DHCR24: variants seen among roughly 807,000 people sequenced by gnomAD.
DHCR24 encodes the protein delta(24)-sterol reductase.
Under a neutral mutation model 61.2 loss-of-function variants are expected in DHCR24, and 28 were observed. The observed-to-expected ratio is 0.46, with a 90% CI of 0.34 to 0.63. DHCR24 has a LOEUF of 0.63. Ranked by LOEUF, DHCR24 falls within the 20% of genes least tolerant of loss-of-function variation. DHCR24 has a pLI of 0.01. For synonymous variants in DHCR24, 261 were observed against 275.9 expected (o/e 0.95, Z 0.54); for missense variants, 538 against 679.1 (o/e 0.79, Z 2.31).
At chr1:54,854,530 C>T (rs1646896345) in intron 6 of DHCR24, among the ~76,000 whole-genome samples, 1 of 152,154 alleles carries the variant, frequency 6.6e-6, no homozygotes, top group Non-Finnish European at 1.5e-5. Context: ...ATATTAATAC[C>T]AAGTGGAAGG....
chr1:54,886,910 G>A lies in DHCR24; in HGVS notation c.210C>T (p.Arg70=), dbSNP rs1296465670. Residue 70 remains arginine (R), a synonymous_variant, in exon 1 of 9, where the codon CGC becomes CGT. Transcript: ENST00000371269. ...LSSAPRLHEQ[R]VRDIQKQVRE... ...TCACCTGCTTCTGGATGTCCCGCAC[G>A]CGCTGCTCGTGCAGGCGCGGAGCGC... The A allele has an allele frequency of 5.6e-6, 9 of 1,613,176 alleles. No homozygotes were observed. Among genetic ancestry groups the A allele is most frequent in the Non-Finnish European group, 7.6e-6 (9 of 1,179,584 alleles).
Position 54,855,440 on chromosome 1 carries a change from C to A in DHCR24, c.1021-1206G>T, listed in dbSNP as rs1455343053. Among the ~76,000 whole-genome samples, 8 of 151,468 alleles carry A rather than the reference C, an allele frequency of 5.3e-5. No homozygotes were observed. The South Asian group carries it at 6.3e-4, about 12-fold the overall frequency. ...TCCAAGGGGCCTCCGAGGTCAGGAA[C>A]CAGGTTCTATGCTGGGTGCTGGGGA... On this transcript the variant is annotated intron_variant, in intron 6 of 8. Coordinates refer to ENST00000371269, the MANE Select transcript of DHCR24 (RefSeq NM_014762.4).
At chr1:54,868,280 C>CT (rs1198102466) in intron 5 of DHCR24, among the ~76,000 whole-genome samples, 3 of 152,058 alleles carry the variant, frequency 2.0e-5, no homozygotes, top group African/African-American at 4.8e-5. Flanking sequence ...ACAATCCTGG[C>CT]TAACACAGTG....
intron 5 of DHCR24, 56 bp from the exon 6 acceptor site, chr1:54,865,502 G>A: frequency 6.2e-7 from 1 of 1,609,768 alleles, no homozygotes; most frequent in Non-Finnish European, 8.5e-7. Context: ...AGCACCATCG[G>A]GGTGTAACAG....
intron 8 of DHCR24, 57 bp downstream of exon 8, chr1:54,853,377 G>A (rs938191757): frequency 1.9e-6 from 3 of 1,608,542 alleles, no homozygotes; most frequent in Non-Finnish European, 2.6e-6. Context: ...CATTCCCCTG[G>A]AGCAGTACCC....
intron 5 of DHCR24, among the ~76,000 whole-genome samples, chr1:54,868,106 G>A (rs1194199473): frequency 6.6e-6 from 1 of 152,202 alleles, no homozygotes; most frequent in African/African-American, 2.4e-5. Flanking sequence ...AATGTTTTAA[G>A]TATGTATATA....
At chr1:54,857,031 G>GT (rs1432634904) in intron 6 of DHCR24, among the ~76,000 whole-genome samples, 3 of 152,176 alleles carry the variant, frequency 2.0e-5, no homozygotes, top group Admixed American at 6.5e-5. Context: ...AGCCATTTGT[G>GT]TTTTTTTCCT....
chr1:54,853,553 G>C lies in DHCR24; in HGVS notation c.1278C>G (p.Pro426=), dbSNP rs372365136. 13 of 1,614,110 alleles carry C rather than the reference G, an allele frequency of 8.1e-6. No homozygotes were observed. In the South Asian group the frequency reaches 9.9e-5, roughly 12 times the overall value. ...ILPSQPGLVH[P]KGNEAELYID... The stretch of plus-strand genomic sequence containing the variant: ...TGTAGAGCTCTGCCTCATTTCCTTT[G>C]GGGTGCACTAGGCCTGGCTGGCTGG... The change falls in exon 8 of 9, where the codon CCC becomes CCG. Residue 426 remains proline, a synonymous_variant. Coordinates refer to ENST00000371269, the MANE Select transcript of DHCR24 (RefSeq NM_014762.4).
At chr1:54,871,055 T>C (rs1195580964) in intron 5 of DHCR24, among the ~76,000 whole-genome samples, 6 of 152,226 alleles carry the variant, frequency 3.9e-5, no homozygotes, top group African/African-American at 9.6e-5. Flanking sequence ...CTACATTACC[T>C]CTTGAAGACT....
chr1:54,886,928 C>T lies in DHCR24; in HGVS notation c.192G>A (p.Pro64=). 1.2e-6 allele frequency: 2 copies of T among 1,613,412 alleles called. No individual in the cohort carries two copies. The highest frequency in any genetic ancestry group is 8.5e-7 in the Non-Finnish European group (1 of 1,179,622). Residue 64 remains proline, a synonymous_variant, in exon 1 of 9, where the codon CCG becomes CCA. Coordinates refer to ENST00000371269, the MANE Select transcript of DHCR24 (RefSeq NM_014762.4). ...CCCGCACGCGCTGCTCGTGCAGGCG[C>T]GGAGCGCTGCTGAGCTTGAACACCA... ...AWVVFKLSSA[P]RLHEQRVRDI...
chr1:54,857,695 G>T (rs987066174), intron 6 of DHCR24, among the ~76,000 whole-genome samples: 54 of 152,260 alleles, frequency 3.5e-4, no homozygotes, highest in African/African-American at 1.1e-3. Flanking sequence ...ACTTAGAATG[G>T]CATTAAGTTG....
intron 6 of DHCR24, among the ~76,000 whole-genome samples, chr1:54,861,852 T>G (rs148360101): frequency 1.3e-5 from 2 of 152,076 alleles, no homozygotes; most frequent in African/African-American, 4.8e-5. Flanking sequence ...CAGCTTCACA[T>G]CTCTTCTCTC....
chr1:54,879,186 G>A (rs1346438479), intron 2 of DHCR24, among the ~76,000 whole-genome samples: 1 of 152,020 alleles, frequency 6.6e-6, no homozygotes, highest in Non-Finnish European at 1.5e-5. Context: ...AGGCGCGGTG[G>A]TGCGCATCTG....
chr1:54,865,181 A>G (rs746535704), intron 6 of DHCR24, 122 bp downstream of exon 6: 82 of 1,218,048 alleles, frequency 6.7e-5, no homozygotes, highest in Middle Eastern at 2.7e-4. Flanking sequence ...AAGGCATTGC[A>G]GTTCCTTAGG....
intron 5 of DHCR24, 66 bp downstream of exon 5, chr1:54,871,284 C>A: frequency 6.3e-7 from 1 of 1,599,740 alleles, no homozygotes; most frequent in South Asian, 1.1e-5. Context: ...ATACGGGAAC[C>A]GGCTCAGTCC....
chr1:54,865,741 GAGTTAAACATTTAACTGCCCTGA>G (rs1394737274), intron 5 of DHCR24, among the ~76,000 whole-genome samples: 1 of 152,164 alleles, frequency 6.6e-6, no homozygotes, highest in Non-Finnish European at 1.5e-5. Context: ...GTGTTTAACA[GAGTTAAACATTTAACTGCCCTGA>G]TGCAGTGCCC....
At chr1:54,884,108 G>A (rs1034624099) in intron 1 of DHCR24, among the ~76,000 whole-genome samples, 8 of 152,274 alleles carry the variant, frequency 5.3e-5, no homozygotes, top group African/African-American at 1.9e-4. Context: ...CCATTTACTG[G>A]GTATTCCCAA....
Position 54,854,041 on chromosome 1 carries a change from A to T in DHCR24, c.1214T>A (p.Ile405Asn), listed in dbSNP as rs747538349. Reference sequence around the variant, plus strand: ...TCCCTGCCCTGCCCCACTCACGTGGATGTCGTTTTGGAAGGTGTGCAGGGC... The same window carrying T: ...TCCCTGCCCTGCCCCACTCACGTGGTTGTCGTTTTGGAAGGTGTGCAGGGC... ...QQALHTFQND[I>N]HVYPIWLCPF... is the part of the protein sequence containing the mutation. The change falls in exon 7 of 9, where the codon ATC becomes AAC. Residue 405 changes from isoleucine to asparagine, a missense_variant. By Grantham distance (149) the Ile-to-Asn change is moderately radical (BLOSUM62 -3). Coordinates refer to ENST00000371269, the MANE Select transcript of DHCR24 (RefSeq NM_014762.4). 6.2e-7 allele frequency: 1 copy of T among 1,612,442 alleles called. No individual in the cohort carries two copies. The highest frequency in any genetic ancestry group is 8.5e-7 in the Non-Finnish European group (1 of 1,179,498).
rs1028760214 is a variant in DHCR24 at position 54,886,498 on chromosome 1, C to A, written c.231+391G>T. The A allele has an allele frequency of 5.5e-6, 5 of 906,040 alleles. No homozygotes were observed. In the African/African-American group the frequency reaches 8.5e-5, roughly 15 times the overall value. 56.1% of individuals were successfully genotyped at this position (906,040 alleles called of 1,614,324 possible). A position where few individuals can be genotyped will look rare whatever the true frequency, so the allele number is the denominator to read the frequency against. On this transcript the variant is annotated intron_variant, in intron 1 of 8. Transcript: ENST00000371269. ...GTCGGCTTCCCAGCATTTGCTCACA[C>A]CAGTCCCTCCACCCACACACCTTCC...
Sources: allele counts gnomAD v4.1 joint callset (sites outside exome capture counted in the v4.1 genomes callset), GRCh38; gene constraint gnomAD v4.1.1; transcripts MANE v1.5; gene names NCBI Gene and HGNC (gene_info 2026-07-23, HGNC 2026-07-21).